Variants in PARD3B observed in about 807,000 individuals in gnomAD.
PARD3B encodes partitioning defective 3 homolog B.
Under a neutral mutation model 130.2 loss-of-function variants are expected in PARD3B, and 103 were observed. The observed-to-expected ratio is 0.79, with a 90% confidence interval of 0.67 to 0.93. PARD3B has a LOEUF of 0.93. Among genes scored for constraint, PARD3B ranks in the 40% least tolerant of loss-of-function variants. The pLI, the probability that PARD3B is intolerant of heterozygous loss-of-function variation, is 0.00. For missense variants in PARD3B, 1,609 were observed against 1,499.2 expected, an observed-to-expected ratio of 1.07 and a Z score of -1.21; for synonymous variants, 583 against 553.2, an observed-to-expected ratio of 1.05 and a Z score of -0.76.
In PARD3B at chr2:205,197,072, T is replaced by A. The variant is rs55771624; in HGVS notation, c.2140+3752T>A. On this transcript the variant is annotated intron_variant, in intron 15 of 22. Transcript: ENST00000406610. ...GTGTGTGTGTGTGTGTGTGTGTGTG[T>A]GTGAGAGAGAGAGAGAGAGAGCATG... Among the ~76,000 whole-genome samples, 1,063 of 148,876 alleles carry A rather than the reference T, an allele frequency of 7.1e-3. 9 individuals are homozygous for A. Among genetic ancestry groups the A allele is most frequent in the African/African-American group, 0.016 (632 of 40,748 alleles).
At chr2:205,008,426 ATTTG>A (rs1187003497) in intron 3 of PARD3B, among the ~76,000 whole-genome samples, 3 of 152,120 alleles carry the variant, frequency 2.0e-5, no homozygotes, top group South Asian at 4.2e-4. Context: ...TTCAAAACAA[ATTTG>A]TTTGTTTTCC....
At chr2:205,513,208 T>C (rs745758122) in intron 21 of PARD3B, among the ~76,000 whole-genome samples, 1 of 152,076 alleles carries the variant, frequency 6.6e-6, no homozygotes, top group South Asian at 2.1e-4. Flanking sequence ...AGTACTTGAA[T>C]TGATGATCAG....
chr2:205,019,249 G>A (rs1184332872), intron 3 of PARD3B, among the ~76,000 whole-genome samples: 1 of 152,142 alleles, frequency 6.6e-6, no homozygotes, highest in East Asian at 1.9e-4. Flanking sequence ...TATGTGGTGT[G>A]TTGTGACTGC....
intron 15 of PARD3B, among the ~76,000 whole-genome samples, chr2:205,194,871 C>T (rs1366045491): frequency 7.2e-5 from 11 of 151,860 alleles, no homozygotes; most frequent in Non-Finnish European, 1.6e-4. Context: ...GCAACCTCCG[C>T]CCCCTGGGTT....
chr2:205,057,688 TACATATACATATATGTGTATGTGTATAC>T (rs1409916386), intron 4 of PARD3B, among the ~76,000 whole-genome samples: 3 of 38,100 alleles, frequency 7.9e-5, no homozygotes, highest in African/African-American at 2.5e-4. Context: ...TGTGTATACG[TACATATACATATATGTGTATGTGTATAC>T]GTATATATAC....
chr2:205,471,011 G>A (rs1449110417), intron 20 of PARD3B, among the ~76,000 whole-genome samples: 2 of 152,216 alleles, frequency 1.3e-5, no homozygotes, highest in African/African-American at 4.8e-5. Flanking sequence ...GCAGTCTGAT[G>A]TTTGACAAGT....
Position 205,054,434 on chromosome 2 carries a change from ATATTTTTTTTT to A in PARD3B, c.504+6746_504+6756del, listed in dbSNP as rs1427189231. Among the ~76,000 whole-genome samples, 41 of 29,486 alleles carry A rather than the reference ATATTTTTTTTT, an allele frequency of 1.4e-3. 1 individual carries two copies. Among genetic ancestry groups the A allele is most frequent in the South Asian group, 6.8e-3 (3 of 442 alleles). 19.3% of individuals were successfully genotyped at this position (29,486 alleles called of 152,430 possible). On this transcript the variant is annotated intron_variant, in intron 4 of 22. Transcript: ENST00000406610. ...TATATATATATATATATATATATAT[ATATTTTTTTTT>A]TTTTTTTTTTTTAATTATACTCTAA...
At chr2:204,766,753 T>A (rs1250430602) in intron 2 of PARD3B, among the ~76,000 whole-genome samples, 1 of 151,628 alleles carries the variant, frequency 6.6e-6, no homozygotes, top group Non-Finnish European at 1.5e-5. Context: ...TTGTTATGCT[T>A]TGCAAAGTAA....
chr2:205,238,692 C>T (rs1368490609), intron 15 of PARD3B, among the ~76,000 whole-genome samples: 2 of 149,956 alleles, frequency 1.3e-5, no homozygotes, highest in South Asian at 2.1e-4. Flanking sequence ...ATTAGCTGGG[C>T]CTGGTGGCAG....
chr2:204,759,761 C>T (rs1170790813), intron 2 of PARD3B, among the ~76,000 whole-genome samples: 2 of 152,116 alleles, frequency 1.3e-5, no homozygotes, highest in African/African-American at 2.4e-5. Context: ...TATATTCCCA[C>T]AACTGTTTAT....
In PARD3B at chr2:204,610,946, T is replaced by C. The variant is rs551289058; in HGVS notation, c.120+64827T>C. Among the ~76,000 whole-genome samples, 1 of 152,250 alleles carries C rather than the reference T, an allele frequency of 6.6e-6. No homozygotes were observed. Among genetic ancestry groups the C allele is most frequent in the Non-Finnish European group, 1.5e-5 (1 of 68,048 alleles). ...TTTTACAATGTACACTGAAAATGAT[T>C]GTTCCCAAACTGCATTTCCTGCTTT... On this transcript the variant is annotated intron_variant, in intron 1 of 22. Transcript: ENST00000406610. The surrounding 1 kb of genome is among the most constrained non-coding windows in gnomAD (Gnocchi z 4.1).
chr2:204,925,741 T>G (rs988289983), intron 2 of PARD3B, among the ~76,000 whole-genome samples: 1 of 152,080 alleles, frequency 6.6e-6, no homozygotes, highest in African/African-American at 2.4e-5. Context: ...CCTACTGATA[T>G]GGTTTGGCTC....
chr2:204,866,707 A>G (rs940833005), intron 2 of PARD3B, among the ~76,000 whole-genome samples: 15 of 151,978 alleles, frequency 9.9e-5, no homozygotes, highest in Admixed American at 9.9e-4. Flanking sequence ...ATGTTTATGT[A>G]TGTATATGTG....
intron 1 of PARD3B, among the ~76,000 whole-genome samples, chr2:204,577,661 A>G (rs2032336557): frequency 6.6e-6 from 1 of 152,106 alleles, no homozygotes. Context: ...AACCTTGAAC[A>G]CCTGGGTTCA....
At chr2:205,083,603 T>G (rs1309116472) in intron 4 of PARD3B, among the ~76,000 whole-genome samples, 2 of 146,798 alleles carry the variant, frequency 1.4e-5, no homozygotes, top group African/African-American at 4.9e-5. Flanking sequence ...TTGATTCTTC[T>G]TTTTTTTTTT....
At chr2:205,279,070 CA>C (rs57717513) in intron 16 of PARD3B, among the ~76,000 whole-genome samples, 2,028 of 38,760 alleles carry the variant, frequency 0.052, 31 homozygotes, top group African/African-American at 0.14. Context: ...GAATCTGTCT[CA>C]AAAAAAAAAA....
intron 18 of PARD3B, among the ~76,000 whole-genome samples, chr2:205,345,503 TCTG>T (rs2043718230): frequency 6.6e-6 from 1 of 152,084 alleles, no homozygotes; most frequent in Admixed American, 6.5e-5. Flanking sequence ...CCTTCCTGCT[TCTG>T]CTGTTTACTC....
At chr2:205,610,401 T>A (rs949396524) in intron 22 of PARD3B, among the ~76,000 whole-genome samples, 4 of 152,216 alleles carry the variant, frequency 2.6e-5, no homozygotes, top group Admixed American at 6.5e-5. Flanking sequence ...GATTATTGCA[T>A]TTATGACAGA....
intron 2 of PARD3B, among the ~76,000 whole-genome samples, chr2:204,756,345 G>A (rs58058037): frequency 3.5e-4 from 53 of 152,118 alleles, no homozygotes; most frequent in Middle Eastern, 6.8e-3. Flanking sequence ...CAATATTACT[G>A]TATTTAACAT....
Sources: allele counts gnomAD v4.1 joint callset (sites outside exome capture counted in the v4.1 genomes callset), GRCh38; gene constraint gnomAD v4.1.1; non-coding constraint Gnocchi (gnomAD v3.1); transcripts MANE v1.5; gene names NCBI Gene and HGNC (gene_info 2026-07-23, HGNC 2026-07-21).